CNTNAP2: variants seen among roughly 807,000 people sequenced by gnomAD.
CNTNAP2 encodes the protein contactin associated protein 2.
In CNTNAP2, 98 loss-of-function variants were observed where a neutral mutation model predicts 155.2. The ratio of observed to expected loss-of-function variants is 0.63; its 90% CI spans 0.54 to 0.75. The LOEUF (loss-of-function observed/expected upper bound fraction) is 0.75. Among genes scored for constraint, CNTNAP2 ranks in the 30% least tolerant of loss-of-function variants. The pLI, the probability that CNTNAP2 is intolerant of heterozygous loss-of-function variation, is 0.00. For synonymous variants in CNTNAP2, 651 were observed against 631.2 expected (o/e 1.03, Z -0.47); for missense variants, 1,727 against 1,688.1 (o/e 1.02, Z -0.40).
intron 13 of CNTNAP2, among the ~76,000 whole-genome samples, chr7:147,778,366 A>G (rs967488314): frequency 6.6e-6 from 1 of 152,256 alleles, no homozygotes; most frequent in African/African-American, 2.4e-5. Context: ...TATAGTCTTC[A>G]TATGCTTTAC....
At chr7:146,804,627 A>G (rs1802935701) in intron 2 of CNTNAP2, among the ~76,000 whole-genome samples, 1 of 152,232 alleles carries the variant, frequency 6.6e-6, no homozygotes. Flanking sequence ...ACTTATATAC[A>G]TGGCAGATAT....
intron 12 of CNTNAP2, among the ~76,000 whole-genome samples, chr7:147,636,176 T>C (rs1795177627): frequency 2.0e-5 from 3 of 152,120 alleles, no homozygotes; most frequent in Admixed American, 2.0e-4. Flanking sequence ...CTGGAATATA[T>C]TTATTCTACA....
intron 8 of CNTNAP2, among the ~76,000 whole-genome samples, chr7:147,143,024 A>T (rs1801631197): frequency 6.6e-6 from 1 of 152,074 alleles, no homozygotes; most frequent in Non-Finnish European, 1.5e-5. Context: ...AATAACAATT[A>T]TTTTTTGTTA....
At chr7:147,062,127 C>CAAAAAAAAAAAAAAAAAAAAAAAA (rs869125044) in intron 4 of CNTNAP2, among the ~76,000 whole-genome samples, 3 of 44,936 alleles carry the variant, frequency 6.7e-5, no homozygotes, top group African/African-American at 9.7e-5. Context: ...GACTCCGTCT[C>CAAAAAAAAAAAAAAAAAAAAAAAA]AAAAAAAAAA....
intron 1 of CNTNAP2, among the ~76,000 whole-genome samples, chr7:146,739,400 A>G (rs932493617): frequency 6.6e-6 from 1 of 151,684 alleles, no homozygotes; most frequent in Non-Finnish European, 1.5e-5. Flanking sequence ...ACATTTTTTC[A>G]CAGACTCATT....
chr7:147,454,078 A>G (rs1334816670), intron 10 of CNTNAP2, among the ~76,000 whole-genome samples: 1 of 152,230 alleles, frequency 6.6e-6, no homozygotes, highest in East Asian at 1.9e-4. Flanking sequence ...TTTTACATCA[A>G]CTAAAGATTT....
intron 13 of CNTNAP2, among the ~76,000 whole-genome samples, chr7:147,641,338 G>A (rs2116927692): frequency 6.6e-6 from 1 of 152,306 alleles, no homozygotes; most frequent in African/African-American, 2.4e-5. Context: ...AATAAGGTTG[G>A]AAAGGAGGGT....
intron 1 of CNTNAP2, among the ~76,000 whole-genome samples, chr7:146,348,682 T>C (rs1201743030): frequency 6.6e-6 from 1 of 151,960 alleles, no homozygotes; most frequent in African/African-American, 2.4e-5. Context: ...ACTAAACATT[T>C]CTGATGTATT....
Position 148,069,351 on chromosome 7 carries a change from T to C in CNTNAP2, c.2384-48767T>C, listed in dbSNP as rs575317348. Among the ~76,000 whole-genome samples the C allele has an allele frequency of 3.3e-5, 5 of 152,306 alleles. No individual in the cohort carries two copies. In the East Asian group the frequency reaches 9.6e-4, roughly 29 times the overall value. ...AGGCCCCCAGGCTTCAGGATTAATC[T>C]TTAATTAATACTCTGAGTGGAGACA... On this transcript the variant is annotated intron_variant, in intron 15 of 23. Coordinates refer to ENST00000361727, the MANE Select transcript of CNTNAP2 (RefSeq NM_014141.6).
intron 14 of CNTNAP2, among the ~76,000 whole-genome samples, chr7:147,930,517 G>A (rs1311304976): frequency 6.6e-6 from 1 of 152,110 alleles, no homozygotes; most frequent in Non-Finnish European, 1.5e-5. Context: ...CAGAAGGAAG[G>A]CTAATTCACC....
At chr7:146,828,263 A>G in intron 2 of CNTNAP2, among the ~76,000 whole-genome samples, 1 of 152,104 alleles carries the variant, frequency 6.6e-6, no homozygotes, top group East Asian at 1.9e-4. Flanking sequence ...TGGTGTAAAT[A>G]AATGGTGTAA....
At chr7:147,724,933 T>G (rs1393960490) in intron 13 of CNTNAP2, among the ~76,000 whole-genome samples, 2 of 152,014 alleles carry the variant, frequency 1.3e-5, no homozygotes, top group Non-Finnish European at 2.9e-5. Flanking sequence ...TACACTAAGT[T>G]GCTTGTTTCA....
At chr7:146,906,533 C>A (rs1239860209) in intron 3 of CNTNAP2, among the ~76,000 whole-genome samples, 6 of 152,052 alleles carry the variant, frequency 3.9e-5, no homozygotes, top group Admixed American at 6.5e-5. Context: ...CACCCCCCAG[C>A]AGGGGCACAC....
intron 17 of CNTNAP2, among the ~76,000 whole-genome samples, chr7:148,161,656 A>G (rs1358367703): frequency 6.6e-6 from 1 of 152,154 alleles, no homozygotes; most frequent in Non-Finnish European, 1.5e-5. Flanking sequence ...CACTAAATCT[A>G]GCCTCTCACT....
chr7:148,233,541 A>G (rs547538366), intron 20 of CNTNAP2, among the ~76,000 whole-genome samples: 8 of 152,336 alleles, frequency 5.3e-5, no homozygotes, highest in Admixed American at 1.3e-4. Context: ...TTTTGTTATT[A>G]TATCATTTTT....
Position 148,147,627 on chromosome 7 carries a change from G to T in CNTNAP2, c.2691G>T (p.Gln897His). The part of the protein sequence containing the change: ...AERNVKQASL[Q>H]VDRLPQQIRK... Reference sequence around the variant, plus strand: ...GGAATGTCAAGCAGGCCAGCCTACAGGTGGACCGGCTACCGCAGCAGATCC... The same window carrying T: ...GGAATGTCAAGCAGGCCAGCCTACATGTGGACCGGCTACCGCAGCAGATCC... Residue 897 changes from glutamine to histidine, a missense_variant, in exon 17 of 24, where the codon CAG (glutamine) becomes CAT (histidine). By Grantham distance (24) the Gln-to-His change is conservative. Coordinates refer to ENST00000361727, the MANE Select transcript of CNTNAP2 (RefSeq NM_014141.6). 6.2e-7 allele frequency: 1 copy of T among 1,614,140 alleles called. No homozygotes were observed. Among genetic ancestry groups the T allele is most frequent in the Non-Finnish European group, 8.5e-7 (1 of 1,180,032 alleles).
At chr7:148,014,418 A>G (rs763494905) in intron 15 of CNTNAP2, 4 of 152,184 alleles carry the variant, frequency 2.6e-5, no homozygotes, top group Non-Finnish European at 5.9e-5. Context: ...GGGGCATTTG[A>G]TGAATGCAAT....
At chr7:147,681,238 A>G (rs991146845) in intron 13 of CNTNAP2, among the ~76,000 whole-genome samples, 7 of 152,006 alleles carry the variant, frequency 4.6e-5, no homozygotes, top group South Asian at 2.1e-4. Context: ...TGAAATGGTG[A>G]AGACTTAAGA....
intron 2 of CNTNAP2, among the ~76,000 whole-genome samples, chr7:146,834,971 G>T (rs558325638): frequency 6.6e-6 from 1 of 152,148 alleles, no homozygotes; most frequent in East Asian, 1.9e-4. Context: ...ACTTTTCATC[G>T]ATCTTTCCAC....
Sources: gnomAD v4.1 joint callset for allele counts (sites outside exome capture counted in the v4.1 genomes callset) on GRCh38, gnomAD v4.1.1 for gene constraint, MANE v1.5 for transcripts, NCBI Gene and HGNC (gene_info 2026-07-23, HGNC 2026-07-21) for gene names.